SYN3: variants seen among roughly 807,000 people sequenced by gnomAD.
SYN3 encodes synapsin-3.
In SYN3, 35 loss-of-function variants were observed where a neutral mutation model predicts 65.8. The ratio of observed to expected loss-of-function variants is 0.53; its 90% CI spans 0.41 to 0.70. The LOEUF (loss-of-function observed/expected upper bound fraction) is 0.70, where lower values mean the gene tolerates loss of function less well. Ranked by LOEUF, SYN3 falls within the 30% of genes least tolerant of loss-of-function variation. The pLI is 0.00. For synonymous variants in SYN3, 270 were observed against 292.9 expected, an observed-to-expected ratio of 0.92 and a Z score of 0.80; for missense variants, 680 against 749.0, an observed-to-expected ratio of 0.91 and a Z score of 1.08.
intron 5 of SYN3, among the ~76,000 whole-genome samples, chr22:32,868,255 A>G (rs910520918): frequency 2.6e-5 from 4 of 151,834 alleles, no homozygotes; most frequent in Non-Finnish European, 5.9e-5. Flanking sequence ...ACATAACACC[A>G]TATCATAATG....
At chr22:32,780,633 C>T (rs1437634933) in intron 6 of SYN3, among the ~76,000 whole-genome samples, 2 of 152,132 alleles carry the variant, frequency 1.3e-5, no homozygotes, top group East Asian at 3.9e-4. Context: ...CTGTTTTCGT[C>T]ACTGGCTCAG....
At chr22:32,695,747 T>A (rs2060727589) in intron 6 of SYN3, among the ~76,000 whole-genome samples, 2 of 152,216 alleles carry the variant, frequency 1.3e-5, no homozygotes, top group African/African-American at 4.8e-5. Context: ...TGCCTTCCTA[T>A]CCACAGCCCT....
intron 6 of SYN3, among the ~76,000 whole-genome samples, chr22:32,739,200 G>A (rs898692664): frequency 2.0e-5 from 3 of 151,486 alleles, no homozygotes; most frequent in Admixed American, 6.6e-5. Context: ...CCCCCATACT[G>A]TTCTCGTGAT....
intron 6 of SYN3, among the ~76,000 whole-genome samples, chr22:32,760,937 G>A (rs868581727): frequency 4.1e-4 from 62 of 152,320 alleles, no homozygotes; most frequent in Admixed American, 1.4e-3. Context: ...AAACACTGGC[G>A]TCATAGATAT....
chr22:32,850,609 G>A (rs1462472007), intron 6 of SYN3, among the ~76,000 whole-genome samples: 1 of 152,152 alleles, frequency 6.6e-6, no homozygotes, highest in East Asian at 1.9e-4. Flanking sequence ...GAGTCAGGTT[G>A]GGAGAGAAGA....
intron 6 of SYN3, among the ~76,000 whole-genome samples, chr22:32,856,937 C>T (rs187541840): frequency 5.9e-5 from 9 of 152,254 alleles, no homozygotes; most frequent in East Asian, 1.9e-4. Context: ...TGGCTTATTC[C>T]GCTTAGCAAA....
chr22:32,521,488 G>T (rs930087725), intron 12 of SYN3, among the ~76,000 whole-genome samples: 1 of 127,874 alleles, frequency 7.8e-6, no homozygotes, highest in African/African-American at 3.0e-5. Context: ...ACTATTATCC[G>T]GGCTAGAGTG....
At chr22:32,955,461 G>C (rs2051424553) in intron 3 of SYN3, among the ~76,000 whole-genome samples, 1 of 152,118 alleles carries the variant, frequency 6.6e-6, no homozygotes, top group Non-Finnish European at 1.5e-5. Flanking sequence ...TGGGGGATGA[G>C]GGGCCCAGGC....
chr22:32,932,243 G>A (rs1310804291), intron 3 of SYN3, among the ~76,000 whole-genome samples: 1 of 139,228 alleles, frequency 7.2e-6, no homozygotes, highest in Non-Finnish European at 1.5e-5. Context: ...CCCCCACCCT[G>A]GTCATATGCC....
chr22:32,797,723 C>T (rs1427418088), intron 6 of SYN3, among the ~76,000 whole-genome samples: 2 of 152,120 alleles, frequency 1.3e-5, no homozygotes, highest in Non-Finnish European at 2.9e-5. Flanking sequence ...ACTCAGTGTT[C>T]GTTGCGAAAC....
intron 6 of SYN3, among the ~76,000 whole-genome samples, chr22:32,606,256 C>A (rs1038743153): frequency 6.6e-6 from 1 of 152,094 alleles, no homozygotes; most frequent in East Asian, 1.9e-4. Flanking sequence ...GAGCAGGGAG[C>A]GCGTTACGAA....
At chr22:32,821,365 T>G (rs1267241625) in intron 6 of SYN3, among the ~76,000 whole-genome samples, 1 of 152,226 alleles carries the variant, frequency 6.6e-6, no homozygotes, top group African/African-American at 2.4e-5. Context: ...CCATTGAAGA[T>G]CTGCACTTGC....
intron 6 of SYN3, among the ~76,000 whole-genome samples, chr22:32,643,620 G>A (rs2059938962): frequency 6.7e-6 from 1 of 148,646 alleles, no homozygotes; most frequent in Non-Finnish European, 1.5e-5. Context: ...GGAAAAAAGA[G>A]TTATAGTAGA....
intron 6 of SYN3, among the ~76,000 whole-genome samples, chr22:32,743,185 T>C (rs1482663216): frequency 1.3e-5 from 2 of 152,260 alleles, no homozygotes; most frequent in East Asian, 3.8e-4. Flanking sequence ...GATTCATATG[T>C]GGCTTTGGGA....
intron 6 of SYN3, among the ~76,000 whole-genome samples, chr22:32,808,047 T>A (rs1239730704): frequency 6.6e-6 from 1 of 152,134 alleles, no homozygotes; most frequent in Admixed American, 6.5e-5. Context: ...ATGGGAGTAT[T>A]TTCATAGGGA....
intron 6 of SYN3, among the ~76,000 whole-genome samples, chr22:32,603,317 C>A (rs1356581833): frequency 6.7e-6 from 1 of 149,702 alleles, no homozygotes; most frequent in African/African-American, 2.5e-5. Context: ...TGGAGACCAT[C>A]CTGGCTAACA....
intron 4 of SYN3, among the ~76,000 whole-genome samples, chr22:32,898,438 C>T (rs1354731469): frequency 1.3e-5 from 2 of 152,184 alleles, no homozygotes; most frequent in Admixed American, 6.5e-5. Flanking sequence ...TCCTTTCTCC[C>T]GTTGGTAATC....
intron 6 of SYN3, among the ~76,000 whole-genome samples, chr22:32,714,396 G>A (rs1005856487): frequency 6.6e-6 from 1 of 152,096 alleles, no homozygotes; most frequent in African/African-American, 2.4e-5. Flanking sequence ...CAATTTCAGT[G>A]GTTCTCAACC....
At chr22:32,554,113 C>A (rs2058456283) in intron 7 of SYN3, among the ~76,000 whole-genome samples, 1 of 152,208 alleles carries the variant, frequency 6.6e-6, no homozygotes, top group Non-Finnish European at 1.5e-5. Context: ...TGAAGCTCTG[C>A]AGGCAGATGT....
Sources: gnomAD v4.1 joint callset for allele counts (sites outside exome capture counted in the v4.1 genomes callset) on GRCh38, gnomAD v4.1.1 for gene constraint, MANE v1.5 for transcripts, NCBI Gene and HGNC (gene_info 2026-07-23, HGNC 2026-07-21) for gene names.